Variants in TRIM3 observed in about 807,000 individuals in gnomAD.
The protein encoded by TRIM3 is tripartite motif-containing protein 3.
In TRIM3, 13 loss-of-function variants were observed where a neutral mutation model predicts 66.6. That is an observed-to-expected ratio of 0.20 (90% CI 0.13 to 0.31). The LOEUF (loss-of-function observed/expected upper bound fraction) is 0.31, where lower values mean the gene tolerates loss of function less well. Ranked by LOEUF, TRIM3 falls within the 10% of genes least tolerant of loss-of-function variation. The pLI is 1.00. For synonymous variants in TRIM3, 406 were observed against 411.7 expected (o/e 0.99, Z 0.17); for missense variants, 711 against 1,020.4 (o/e 0.70, Z 4.13).
intron 1 of TRIM3, among the ~76,000 whole-genome samples, chr11:6,467,898 C>T (rs1331904786): frequency 6.6e-6 from 1 of 152,194 alleles, no homozygotes; most frequent in Non-Finnish European, 1.5e-5. Flanking sequence ...AGAGTGGAAT[C>T]AGAGAAAACA....
rs776592116 is a variant in TRIM3, at chr11:6,451,048, C to A, written c.1714G>T (p.Ala572Ser). The A allele has an allele frequency of 6.2e-7, 1 of 1,614,190 alleles. No homozygotes were observed. The highest frequency in any genetic ancestry group is 8.5e-7 in the Non-Finnish European group (1 of 1,180,018). The change falls in exon 9 of 12, where the codon GCT (alanine) becomes TCT (serine). Residue 572 changes from alanine to serine, a missense_variant. Ala to Ser is a moderately conservative substitution (Grantham distance 99). Coordinates refer to ENST00000345851, the MANE Select transcript of TRIM3 (RefSeq NM_033278.4). ...PEGKFKTKIG[A>S]GRLMGPKGVA... ...CCCTTGGGGCCCATGAGGCGGCCAG[C>A]TCCAATCTTGGTCTGGAGGAAGAGA... is the stretch of plus-strand genomic sequence containing the variant.
chr11:6,469,421 C>T (rs1352060249), intron 1 of TRIM3, among the ~76,000 whole-genome samples: 3 of 152,218 alleles, frequency 2.0e-5, no homozygotes, highest in Admixed American at 2.0e-4. Flanking sequence ...CCCGTGGGGT[C>T]CTAGCTCTTC....
At position 6,457,054 on chromosome 11, in the gene TRIM3, G is replaced by A; in HGVS notation, c.697-25C>T. ...CCTGATGAGGGGTAGGGGAGGAGTG[G>A]GTGAGCAGACTGGCACAGGGGGAGT... On this transcript the variant is annotated intron_variant, in intron 5 of 11. Coordinates refer to ENST00000345851, the MANE Select transcript of TRIM3 (RefSeq NM_033278.4). This position sits in a 1 kb window ranked among gnomAD's most constrained non-coding sequence, Gnocchi z 4.5. 4 of 1,571,064 alleles carry A rather than the reference G, an allele frequency of 2.5e-6. No homozygotes were observed. The highest frequency in any genetic ancestry group is 3.5e-6 in the Non-Finnish European group (4 of 1,159,252).
chr11:6,449,251 C>T lies in TRIM3; in HGVS notation c.2082+55G>A, dbSNP rs1849618844. Reference sequence around the variant, plus strand: ...TGAGAGTCTGTTTTGGGGGAACGGGCATATGGGACACACCAGGAAACCGCC... The same window carrying T: ...TGAGAGTCTGTTTTGGGGGAACGGGTATATGGGACACACCAGGAAACCGCC... On this transcript the variant is annotated intron_variant, in intron 11 of 11. Transcript: ENST00000345851. This position sits in a 1 kb window ranked among gnomAD's most constrained non-coding sequence, Gnocchi z 5.3. 1 of 1,609,578 alleles carries T rather than the reference C, an allele frequency of 6.2e-7. No homozygotes were observed. The highest frequency in any genetic ancestry group is 8.5e-7 in the Non-Finnish European group (1 of 1,176,204).
chr11:6,457,620 C>G lies in TRIM3; in HGVS notation c.515+76G>C. The G allele has an allele frequency of 1.3e-6, 2 of 1,565,414 alleles. No homozygotes were observed. The highest frequency in any genetic ancestry group is 8.7e-7 in the Non-Finnish European group (1 of 1,154,134). Reference sequence around the variant, plus strand: ...CTTCCATCTCTGCCCTTCCCAGACCCTTTATTCCCCTCCCCGCCCGAGCTA... The same window carrying G: ...CTTCCATCTCTGCCCTTCCCAGACCGTTTATTCCCCTCCCCGCCCGAGCTA... On this transcript the variant is annotated intron_variant, in intron 4 of 11. Coordinates refer to ENST00000345851, the MANE Select transcript of TRIM3 (RefSeq NM_033278.4). The surrounding 1 kb of genome is among the most constrained non-coding windows in gnomAD (Gnocchi z 4.5).
At chr11:6,451,136 A>G (rs977777995) in intron 8 of TRIM3, 76 bp from the exon 9 acceptor site, 3 of 1,596,266 alleles carry the variant, frequency 1.9e-6, no homozygotes, top group Non-Finnish European at 2.6e-6. Context: ...ACCAAAGCAG[A>G]ATCTTGGGCT....
chr11:6,471,245 T>C (rs1850676058), intron 1 of TRIM3, among the ~76,000 whole-genome samples: 1 of 152,212 alleles, frequency 6.6e-6, no homozygotes, highest in Non-Finnish European at 1.5e-5. Flanking sequence ...AACCAAGGCA[T>C]TGTTGAAAAT....
At chr11:6,462,156 A>G (rs1850271553) in intron 2 of TRIM3, among the ~76,000 whole-genome samples, 1 of 152,192 alleles carries the variant, frequency 6.6e-6, no homozygotes, top group African/African-American at 2.4e-5. Context: ...CTTGATGACT[A>G]TATAGAATAG....
In TRIM3 at chr11:6,457,167, C is replaced by A; in HGVS notation, c.696+129G>T. 1.3e-6 allele frequency: 2 copies of A among 1,507,744 alleles called. No homozygotes were observed. Among genetic ancestry groups the A allele is most frequent in the South Asian group, 1.3e-5 (1 of 79,772 alleles). 93.4% of individuals were successfully genotyped at this position (1,507,744 alleles called of 1,614,324 possible). A position where few individuals can be genotyped will look rare whatever the true frequency, so the allele number is the denominator to read the frequency against. ...GGACACAGATGCCCACAGCACCTAC[C>A]GAGGGCATGTCAGGAGGCAGAATAT... On this transcript the variant is annotated intron_variant, in intron 5 of 11. Coordinates refer to ENST00000345851, the MANE Select transcript of TRIM3 (RefSeq NM_033278.4). The surrounding 1 kb of genome is among the most constrained non-coding windows in gnomAD (Gnocchi z 4.5).
chr11:6,453,172 AAATG>A (rs1849806212), intron 7 of TRIM3: 1 of 152,222 alleles, frequency 6.6e-6, no homozygotes, highest in African/African-American at 2.4e-5. Flanking sequence ...GGCATTCAAC[AAATG>A]AATGAACTCC....
chr11:6,467,324 A>G (rs1021659941), intron 1 of TRIM3, among the ~76,000 whole-genome samples: 1 of 152,228 alleles, frequency 6.6e-6, no homozygotes, highest in African/African-American at 2.4e-5. Flanking sequence ...TCTAGGCTGA[A>G]GAAACAGCAT....
In TRIM3 at chr11:6,449,323, C is replaced by T; in HGVS notation, c.2065G>A (p.Gly689Ser). ...TTACTCACCTGGATGCGGCTGTTGC[C>T]CCAGTCAGCCACAATGATGTTTCCA... Reference protein sequence around the residue: ...SNGNIIVADWGNSRIQVFDSS... With the variant: ...SNGNIIVADWSNSRIQVFDSS... The change falls in exon 11 of 12, where the codon GGC (glycine) becomes AGC (serine). Residue 689 changes from glycine (G) to serine (S), a missense_variant. Gly to Ser is a moderately conservative substitution (Grantham distance 56). Coordinates refer to ENST00000345851, the MANE Select transcript of TRIM3 (RefSeq NM_033278.4). The surrounding 1 kb of genome is among the most constrained non-coding windows in gnomAD (Gnocchi z 5.3). 1 of 1,613,998 alleles carries T rather than the reference C, an allele frequency of 6.2e-7. No homozygotes were observed. Among genetic ancestry groups the T allele is most frequent in the Non-Finnish European group, 8.5e-7 (1 of 1,179,894 alleles).
At chr11:6,451,204 C>A in intron 8 of TRIM3, 67 bp downstream of exon 8, 1 of 1,596,736 alleles carries the variant, frequency 6.3e-7, no homozygotes, top group Non-Finnish European at 8.6e-7. Flanking sequence ...CCCTGACCAC[C>A]AAGAGGCACT....
chr11:6,450,904 G>T lies in TRIM3; in HGVS notation c.1858C>A (p.Arg620Ser). ...TGTCCCCCTATACCTGCAAAGTGGC[G>T]GTCAGTGGCCCCACGGCCCCCAAAA... ...GRFGGRGATD[R>S]HFAGPHFVAV... The change falls in exon 9 of 12, where the codon CGC (arginine) becomes AGC (serine). Residue 620 changes from arginine to serine, a missense_variant. By Grantham distance (110) the Arg-to-Ser change is moderately radical. Transcript: ENST00000345851. This position sits in a 1 kb window ranked among gnomAD's most constrained non-coding sequence, Gnocchi z 4.8. 2 of 1,614,124 alleles carry T rather than the reference G, an allele frequency of 1.2e-6. No homozygotes were observed. The highest frequency in any genetic ancestry group is 1.7e-6 in the Non-Finnish European group (2 of 1,180,014).
Position 6,458,211 on chromosome 11 carries a change from C to G in TRIM3, c.217G>C (p.Val73Leu). The G allele has an allele frequency of 6.2e-7, 1 of 1,614,224 alleles. No homozygotes were observed. The highest frequency in any genetic ancestry group is 8.5e-7 in the Non-Finnish European group (1 of 1,180,056). Residue 73 changes from valine to leucine, a missense_variant, in exon 3 of 12, where the codon GTC becomes CTC. By Grantham distance (32) the Val-to-Leu change is conservative. Transcript: ENST00000345851. The surrounding 1 kb of genome is among the most constrained non-coding windows in gnomAD (Gnocchi z 6.2). ...AAGAAGTTGTTCTGCAGTGCCGAGA[C>G]GCCCTGCTCTGGGAGGATGGACGTC... is the stretch of plus-strand genomic sequence containing the variant. ...RQTSILPEQG[V>L]SALQNNFFIS... is the part of the protein sequence containing the mutation.
At chr11:6,465,521 C>T (rs1850423371) in intron 2 of TRIM3, 44 bp downstream of exon 2, 1 of 1,610,536 alleles carries the variant, frequency 6.2e-7, no homozygotes. Flanking sequence ...TCCTCATCCT[C>T]CCCACAGGGT....
At chr11:6,469,038 A>G (rs1850578126) in intron 1 of TRIM3, among the ~76,000 whole-genome samples, 1 of 152,230 alleles carries the variant, frequency 6.6e-6, no homozygotes, top group Non-Finnish European at 1.5e-5. Flanking sequence ...TTCTCTCTAC[A>G]GTTGTAATGG....
At chr11:6,474,050 C>A (rs1157555174), upstream of TRIM3, 1 of 150,204 alleles carries the variant, frequency 6.7e-6, no homozygotes, top group African/African-American at 2.4e-5. Context: ...CCCCGCCCAC[C>A]CCGCCTGCCC....
chr11:6,457,348 C>T lies in TRIM3; in HGVS notation c.644G>A (p.Arg215His), dbSNP rs775829317. 5.0e-6 allele frequency: 8 copies of T among 1,614,124 alleles called. No homozygotes were observed. In the Middle Eastern group the frequency reaches 5.0e-4, roughly 100 times the overall value. The change falls in exon 5 of 12, where the codon CGC becomes CAC. Residue 215 changes from arginine (R) to histidine (H), a missense_variant. Arg to His is a conservative substitution (Grantham distance 29). Transcript: ENST00000345851. The surrounding 1 kb of genome is among the most constrained non-coding windows in gnomAD (Gnocchi z 4.5). ...FEDLEQALQQ[R>H]KQALVSDLET... ...CAGGTCGCTGACCAGAGCCTGCTTG[C>T]GCTGCTGCAGTGCTTGCTCCAGGTC...
Sources: allele counts gnomAD v4.1 joint callset (sites outside exome capture counted in the v4.1 genomes callset), GRCh38; gene constraint gnomAD v4.1.1; non-coding constraint Gnocchi (gnomAD v3.1); transcripts MANE v1.5; gene names NCBI Gene and HGNC (gene_info 2026-07-23, HGNC 2026-07-21).